HINFP: variants seen among roughly 807,000 people sequenced by gnomAD.
HINFP encodes the protein histone H4 transcription factor.
A neutral mutation model predicts 50.1 loss-of-function variants in HINFP; 20 were observed. That is an observed-to-expected ratio of 0.40 (90% CI 0.28 to 0.58). The LOEUF is 0.58. Ranked by LOEUF, HINFP falls within the 20% of genes least tolerant of loss-of-function variation. HINFP has a pLI of 0.45. For synonymous variants in HINFP, 247 were observed against 243.7 expected (o/e 1.01, Z -0.13); for missense variants, 505 against 664.1 (o/e 0.76, Z 2.63).
chr11:119,133,581 A>AAAT (rs145788876), intron 9 of HINFP: 5 of 106,770 alleles, frequency 4.7e-5, no homozygotes. Context: ...TCCATCTCAA[A>AAAT]AATAAATAAA....
intron 9 of HINFP, chr11:119,133,498 G>A (rs1762503471): frequency 2.7e-6 from 1 of 377,318 alleles, no homozygotes; most frequent in South Asian, 2.7e-5. Context: ...AGAATCACTT[G>A]AACCCAGAAG....
chr11:119,121,981 G>C (rs1052662560), intron 1 of HINFP: 7 of 152,330 alleles, frequency 4.6e-5, no homozygotes, highest in African/African-American at 1.7e-4. Flanking sequence ...CCTGACCGCG[G>C]AGGTGTCTCT....
chr11:119,132,901 A>G lies in HINFP; in HGVS notation c.913A>G (p.Thr305Ala). The change falls in exon 8 of 10, where the codon ACC (threonine) becomes GCC (alanine). Residue 305 changes from threonine (T) to alanine (A), a missense_variant. By Grantham distance (58) the Thr-to-Ala change is moderately conservative (BLOSUM62 0). Transcript: ENST00000350777. ...TATTGACCTCCAGAAGCACCTGGAT[A>G]CCCACAGCGAGGAGCCAGCCTACAG... Reference protein sequence around the residue: ...NLIDLQKHLDTHSEEPAYRCD... With the variant: ...NLIDLQKHLDAHSEEPAYRCD... 1 of 1,614,192 alleles carries G rather than the reference A, an allele frequency of 6.2e-7. No homozygotes were observed. The highest frequency in any genetic ancestry group is 8.5e-7 in the Non-Finnish European group (1 of 1,180,046).
In HINFP at chr11:119,132,695, C is replaced by T; in HGVS notation, c.789C>T (p.Thr263=). ...NHYKCPLCDM[T]CPLPSSLRNH... Reference sequence around the variant, plus strand: ...ATAAGTGCCCTCTGTGTGACATGACCTGCCCGCTGCCTTCCTCCCTCCGCA... The same window carrying T: ...ATAAGTGCCCTCTGTGTGACATGACTTGCCCGCTGCCTTCCTCCCTCCGCA... Residue 263 remains threonine, a synonymous_variant, in exon 7 of 10, where the codon ACC becomes ACT. Transcript: ENST00000350777. 1.2e-6 allele frequency: 2 copies of T among 1,614,062 alleles called. No homozygotes were observed. Among genetic ancestry groups the T allele is most frequent in the Non-Finnish European group, 1.7e-6 (2 of 1,180,042 alleles).
chr11:119,128,863 T>C (rs1947575367), intron 2 of HINFP, among the ~76,000 whole-genome samples: 1 of 152,038 alleles, frequency 6.6e-6, no homozygotes, highest in East Asian at 1.9e-4. Context: ...TATGCCCAGC[T>C]AATTTTTTTT....
chr11:119,123,315 C>T (rs1157894545), intron 1 of HINFP, among the ~76,000 whole-genome samples: 2 of 151,958 alleles, frequency 1.3e-5, no homozygotes, highest in Non-Finnish European at 2.9e-5. Context: ...GCTCTTACAT[C>T]AGATGAAGTG....
At chr11:119,125,929 T>G (rs752818321) in intron 1 of HINFP, 1 of 152,190 alleles carries the variant, frequency 6.6e-6, no homozygotes, top group Non-Finnish European at 1.5e-5. Context: ...ATCTGTAGGC[T>G]CTATGGAGTA....
In HINFP at chr11:119,123,548, CTT is replaced by C. The variant is rs11342595; in HGVS notation, c.-11+1922_-11+1923del. ...AGTCAATATTCAATATTTCTTTCTT[CTT>C]TTTTTTTTTTTTGACAGGGTCTGGG... On this transcript the variant is annotated intron_variant, in intron 1 of 9. Coordinates refer to ENST00000350777, the MANE Select transcript of HINFP (RefSeq NM_198971.3). Among the ~76,000 whole-genome samples, 454 of 138,796 alleles carry C rather than the reference CTT, an allele frequency of 3.3e-3. 1 individual carries two copies. Among genetic ancestry groups the C allele is most frequent in the African/African-American group, 8.6e-3 (315 of 36,456 alleles). 91.1% of individuals were successfully genotyped at this position (138,796 alleles called of 152,430 possible).
At chr11:119,124,298 T>G (rs1174003977) in intron 1 of HINFP, 1 of 152,238 alleles carries the variant, frequency 6.6e-6, no homozygotes, top group African/African-American at 2.4e-5. Flanking sequence ...TCTTCTGTTT[T>G]TTCGTATTTT....
Position 119,133,193 on chromosome 11 carries a change from GTGGC to G in HINFP, c.1114_1117del (p.Trp372ProfsTer27). The G allele has an allele frequency of 6.2e-7, 1 of 1,614,206 alleles. No homozygotes were observed. The highest frequency in any genetic ancestry group is 8.5e-7 in the Non-Finnish European group (1 of 1,180,048). ...ACCTTCGCAAGAAGCACCAGTTCAA[GTGGC>G]CCTCAGGGCATCCCCGTTTTCGGTA... On this transcript the variant is annotated frameshift_variant, in exon 9 of 10. Coordinates refer to ENST00000350777, the MANE Select transcript of HINFP (RefSeq NM_198971.3). LOFTEE classifies it high-confidence loss of function.
chr11:119,126,925 C>G lies in HINFP; in HGVS notation c.-10-10C>G. The G allele has an allele frequency of 6.3e-7, 1 of 1,591,024 alleles. No individual in the cohort carries two copies. The highest frequency in any genetic ancestry group is 8.6e-7 in the Non-Finnish European group (1 of 1,167,720). On this transcript the variant is annotated splice_polypyrimidine_tract_variant and intron_variant, in intron 1 of 9. Transcript: ENST00000350777. ...TTCTTGCAGCTGTGGATTTCTTCCT[C>G]TTCCTCTAGGGTGAAGGCCATGCCG... is the stretch of plus-strand genomic sequence containing the variant.
chr11:119,131,294 G>C lies in HINFP; in HGVS notation c.412-241G>C. On this transcript the variant is annotated intron_variant, in intron 3 of 9. Transcript: ENST00000350777. This position sits in a 1 kb window ranked among gnomAD's most constrained non-coding sequence, Gnocchi z 4.2. The stretch of plus-strand genomic sequence containing the variant: ...TGTAGAGACAAGGTCTGGGTGTGTT[G>C]CCCAGGCCGGTCTCGAACTCTTGGC... 1 of 572,872 alleles carries C rather than the reference G, an allele frequency of 1.7e-6. No homozygotes were observed. The highest frequency in any genetic ancestry group is 3.2e-6 in the Non-Finnish European group (1 of 315,842). The allele number at this position is 572,872 out of a possible 1,614,324, so 35.5% of individuals were successfully genotyped here.
At chr11:119,132,305 G>A in intron 5 of HINFP, 191 bp from the exon 6 acceptor site, 1 of 632,860 alleles carries the variant, frequency 1.6e-6, no homozygotes, top group Non-Finnish European at 2.7e-6. Flanking sequence ...CTAGTAAGTG[G>A]TGAAGCTGGA....
chr11:119,133,433 G>A, intron 9 of HINFP: 1 of 514,084 alleles, frequency 1.9e-6, no homozygotes, highest in Admixed American at 3.4e-5. Context: ...ACAAAAAGTA[G>A]CTGAGCATGG....
rs749742695 is a variant in HINFP, at chr11:119,134,298, G to T, written c.1354G>T (p.Ala452Ser). The change falls in exon 10 of 10, where the codon GCC becomes TCC. Residue 452 changes from alanine (A) to serine (S), a missense_variant. Physicochemically the swap from Ala to Ser is moderately conservative, Grantham distance 99. Transcript: ENST00000350777. This position sits in a 1 kb window ranked among gnomAD's most constrained non-coding sequence, Gnocchi z 4.3. ...GGAGGGCAAGGGTAGCGAAGGGACA[G>T]CCCTCTCAGCCTCTCAGGACAACCC... The part of the protein sequence containing the change: ...EEEGKGSEGT[A>S]LSASQDNPSS... 6.2e-7 allele frequency: 1 copy of T among 1,614,166 alleles called. No homozygotes were observed. Among genetic ancestry groups the T allele is most frequent in the South Asian group, 1.1e-5 (1 of 91,084 alleles).
chr11:119,132,984 T>C lies in HINFP; in HGVS notation c.996T>C (p.His332=). ...GATCCCTCTGCTCTATCAAGTCCCA[T>C]TACCGCAAAGTACATGAAGTGAGTG... The part of the protein sequence containing the change: ...SARSLCSIKS[H]YRKVHEGDSE... Residue 332 remains histidine, a synonymous_variant, in exon 8 of 10, where the codon CAT becomes CAC. Transcript: ENST00000350777. 1 of 1,614,236 alleles carries C rather than the reference T, an allele frequency of 6.2e-7. No homozygotes were observed. Among genetic ancestry groups the C allele is most frequent in the Non-Finnish European group, 8.5e-7 (1 of 1,180,046 alleles).
At chr11:119,130,589 A>G (rs988790849) in intron 2 of HINFP, 136 bp from the exon 3 acceptor site, 2 of 687,714 alleles carry the variant, frequency 2.9e-6, no homozygotes, top group Non-Finnish European at 5.0e-6. Flanking sequence ...TATTTGCTAA[A>G]TGAACCCTGG....
chr11:119,131,018 T>C lies in HINFP; in HGVS notation c.411+64T>C. The C allele has an allele frequency of 7.8e-7, 1 of 1,278,050 alleles. No individual in the cohort carries two copies. The highest frequency in any genetic ancestry group is 1.1e-6 in the Non-Finnish European group (1 of 874,594). 79.2% of individuals were successfully genotyped at this position (1,278,050 alleles called of 1,614,324 possible). A position where few individuals can be genotyped will look rare whatever the true frequency, so the allele number is the denominator to read the frequency against. On this transcript the variant is annotated intron_variant, in intron 3 of 9. Transcript: ENST00000350777. This position sits in a 1 kb window ranked among gnomAD's most constrained non-coding sequence, Gnocchi z 4.2. ...TGGGGGTCTTAACTCTGATGCCTTG[T>C]CCCTTTCAGGGATGCCTTATATTTC...
At position 119,126,952 on chromosome 11, in the gene HINFP, C is replaced by T. The variant is rs767800870; in HGVS notation, c.8C>T (p.Pro3Leu). MP[P>L]PGKVPRKENL... The stretch of plus-strand genomic sequence containing the variant: ...TCCTCTAGGGTGAAGGCCATGCCGC[C>T]TCCTGGGAAAGTTCCCCGAAAGGAG... The change falls in exon 2 of 10, where the codon CCT becomes CTT. Residue 3 changes from proline (P) to leucine (L), a missense_variant. By Grantham distance (98) the Pro-to-Leu change is moderately conservative. Transcript: ENST00000350777. The T allele has an allele frequency of 6.2e-7, 1 of 1,612,968 alleles. No homozygotes were observed. Among genetic ancestry groups the T allele is most frequent in the South Asian group, 1.1e-5 (1 of 90,906 alleles).
Sources: gnomAD v4.1 joint callset for allele counts (sites outside exome capture counted in the v4.1 genomes callset) on GRCh38, gnomAD v4.1.1 for gene constraint, Gnocchi (gnomAD v3.1) non-coding constraint, MANE v1.5 for transcripts, NCBI Gene and HGNC (gene_info 2026-07-23, HGNC 2026-07-21) for gene names.